The following PDZD2 variants were observed in gnomAD, a reference collection of about 807,000 sequenced individuals.
PDZD2 encodes PDZ domain-containing protein 2.
A neutral mutation model predicts 220.7 loss-of-function variants in PDZD2; 90 were observed. The observed-to-expected ratio is 0.41, with a 90% CI of 0.34 to 0.49. PDZD2 has a LOEUF of 0.49. Among genes scored for constraint, PDZD2 ranks in the 20% least tolerant of loss-of-function variants. The pLI is 0.28. For synonymous variants in PDZD2, 1,375 were observed against 1,450.5 expected (o/e 0.95, Z 1.18); for missense variants, 3,174 against 3,608.5 (o/e 0.88, Z 3.08).
In PDZD2 at chr5:31,936,580, GAAA is replaced by G. The variant is rs1001688886; in HGVS notation, c.477-46570_477-46568del. 2.7e-5 allele frequency among the ~76,000 whole-genome samples: 4 copies of G among 147,240 alleles called. No individual in the cohort carries two copies. The East Asian group carries it at 6.0e-4, about 22-fold the overall frequency. ...GAGAGTTGCTTTAAAAAAAAAAAAAGAAAAAAAGCATGCAGCATTGAAGCTTTT... is the reference window on the plus strand; with the variant it reads ...GAGAGTTGCTTTAAAAAAAAAAAAAGAAAAGCATGCAGCATTGAAGCTTTT... On this transcript the variant is annotated intron_variant, in intron 2 of 24. Transcript: ENST00000438447.
At chr5:31,696,645 G>A (rs1747392031) in intron 1 of PDZD2, among the ~76,000 whole-genome samples, 1 of 152,138 alleles carries the variant, frequency 6.6e-6, no homozygotes, top group East Asian at 1.9e-4. Flanking sequence ...CAAGAGACTT[G>A]AGGGGCTTCG....
chr5:32,011,940 G>A (rs576150024), intron 6 of PDZD2, among the ~76,000 whole-genome samples: 1 of 152,242 alleles, frequency 6.6e-6, no homozygotes, highest in East Asian at 1.9e-4. Flanking sequence ...GTTTTCTGAA[G>A]GATGGCAGTA....
rs140805083 is a variant in PDZD2, at chr5:31,679,731, A to C, written c.-361+40294A>C. ...TGCCATGCTGGCCAGGCTGGTCCCA[A>C]ACTCCTGACCTCAAGTGATCTTCCA... On this transcript the variant is annotated intron_variant, in intron 1 of 24. Coordinates refer to ENST00000438447, the MANE Select transcript of PDZD2 (RefSeq NM_178140.4). 6.9e-3 allele frequency among the ~76,000 whole-genome samples: 1,043 copies of C among 152,200 alleles called. 15 individuals are homozygous for C. The highest frequency in any genetic ancestry group is 0.024 in the African/African-American group (987 of 41,522).
chr5:31,735,317 G>A lies in PDZD2; in HGVS notation c.-360-63572G>A, dbSNP rs778008305. Among the ~76,000 whole-genome samples the A allele has an allele frequency of 9.2e-5, 14 of 152,284 alleles. No individual in the cohort carries two copies. In the South Asian group the frequency reaches 1.9e-3, roughly 20 times the overall value. On this transcript the variant is annotated intron_variant, in intron 1 of 24. Coordinates refer to ENST00000438447, the MANE Select transcript of PDZD2 (RefSeq NM_178140.4). ...TGGGATGGTGTGGTGGGGGCACTTC[G>A]TGCTGTCACTGGGTCACTGCTGCCT...
intron 2 of PDZD2, among the ~76,000 whole-genome samples, chr5:31,863,176 C>T (rs1045303734): frequency 3.3e-5 from 5 of 152,198 alleles, no homozygotes; most frequent in African/African-American, 9.6e-5. Flanking sequence ...TGAGCCACTG[C>T]GCCCGGCCAT....
rs1344058895 is a variant in PDZD2 at position 32,089,393 on chromosome 5, T to C, written c.5945T>C (p.Phe1982Ser). ...PSVSDTSIRT[F>S]VSPLTSPKPV... Reference sequence around the variant, plus strand: ...GTGTCTGACACGAGCATCAGGACATTTGTCTCGCCCCTGACCTCTCCCAAG... The same window carrying C: ...GTGTCTGACACGAGCATCAGGACATCTGTCTCGCCCCTGACCTCTCCCAAG... Residue 1982 changes from phenylalanine to serine, a missense_variant, in exon 20 of 25, where the codon TTT (phenylalanine) becomes TCT (serine). By Grantham distance (155) the Phe-to-Ser change is radical. Transcript: ENST00000438447. The C allele has an allele frequency of 1.2e-6, 2 of 1,614,068 alleles. No individual in the cohort carries two copies. The highest frequency in any genetic ancestry group is 1.7e-5 in the Admixed American group (1 of 60,014).
At chr5:31,778,051 T>G (rs6450862) in intron 1 of PDZD2, among the ~76,000 whole-genome samples, 75,712 of 150,956 alleles carry the variant, frequency 0.5, 19,727 homozygotes, top group African/African-American at 0.55. Context: ...CAGCATTCTG[T>G]GTCTAGCTAA....
At chr5:31,827,066 T>G (rs1175025762) in intron 2 of PDZD2, among the ~76,000 whole-genome samples, 1 of 152,192 alleles carries the variant, frequency 6.6e-6, no homozygotes, top group Admixed American at 6.6e-5. Flanking sequence ...AACAATTCTG[T>G]AAGTGGCATC....
At chr5:31,906,568 T>G (rs1240856608) in intron 2 of PDZD2, among the ~76,000 whole-genome samples, 2 of 152,010 alleles carry the variant, frequency 1.3e-5, no homozygotes, top group African/African-American at 4.8e-5. Context: ...TATAGCCGGG[T>G]GCAGTGGCTC....
intron 2 of PDZD2, among the ~76,000 whole-genome samples, chr5:31,947,486 A>T (rs891074180): frequency 3.3e-5 from 5 of 152,184 alleles, no homozygotes; most frequent in Non-Finnish European, 7.3e-5. Context: ...CACCGTCTAT[A>T]AAATAAAGAT....
intron 2 of PDZD2, among the ~76,000 whole-genome samples, chr5:31,919,358 CT>C (rs11349783): frequency 0.89 from 125,736 of 140,662 alleles, 56,233 homozygotes; most frequent in East Asian, 0.98. Context: ...ATTGTCTTGT[CT>C]TTTTTTTTTT....
At chr5:31,813,189 G>C (rs183247923) in intron 2 of PDZD2, among the ~76,000 whole-genome samples, 1 of 152,094 alleles carries the variant, frequency 6.6e-6, no homozygotes, top group Non-Finnish European at 1.5e-5. Flanking sequence ...GGTGGCTCAC[G>C]CCTGTAATGC....
At chr5:31,891,374 T>G (rs1581007603) in intron 2 of PDZD2, among the ~76,000 whole-genome samples, 1 of 152,116 alleles carries the variant, frequency 6.6e-6, no homozygotes, top group East Asian at 1.9e-4. Context: ...TGGAATGCAG[T>G]GGCATGGTCT....
intron 2 of PDZD2, among the ~76,000 whole-genome samples, chr5:31,916,317 C>T (rs111881554): frequency 0.014 from 2,077 of 152,304 alleles, 44 homozygotes; most frequent in African/African-American, 0.048. Flanking sequence ...GTTGCCTTCC[C>T]TACTTCAGTT....
At chr5:31,990,087 G>A (rs776513415) in intron 3 of PDZD2, among the ~76,000 whole-genome samples, 5 of 152,154 alleles carry the variant, frequency 3.3e-5, no homozygotes, top group Non-Finnish European at 5.9e-5. Flanking sequence ...AATAAGAAGG[G>A]GTAAGCAAAC....
chr5:31,660,107 C>T (rs1300093615), intron 1 of PDZD2, among the ~76,000 whole-genome samples: 1 of 152,208 alleles, frequency 6.6e-6, no homozygotes, highest in Non-Finnish European at 1.5e-5. Context: ...CCACTGCTTT[C>T]CACTTGGTGT....
chr5:32,010,109 G>GAAAAAAAA (rs1387407219), intron 5 of PDZD2, among the ~76,000 whole-genome samples: 1 of 138,826 alleles, frequency 7.2e-6, no homozygotes, highest in Non-Finnish European at 1.5e-5. Context: ...AGAAAAAAAA[G>GAAAAAAAA]AAACAGCTAA....
At chr5:32,039,949 C>G (rs62361265) in intron 7 of PDZD2, among the ~76,000 whole-genome samples, 70,208 of 138,286 alleles carry the variant, frequency 0.51, 19,135 homozygotes, top group Non-Finnish European at 0.59. Context: ...CCCAGCTGCC[C>G]GAATGGGAAG....
rs70957998 is a variant in PDZD2 at position 32,025,591 on chromosome 5, C to CTTTTTTTTT, written c.1408-11620_1408-11612dup. On this transcript the variant is annotated intron_variant, in intron 6 of 24. Coordinates refer to ENST00000438447, the MANE Select transcript of PDZD2 (RefSeq NM_178140.4). ...AGTGAGCCCAAATGTAACCATGATG[C>CTTTTTTTTT]TTTTTTTTTTTTTTTTTTTTTTTTT... Among the ~76,000 whole-genome samples the CTTTTTTTTT allele has an allele frequency of 2.2e-3, 149 of 67,516 alleles. 17 individuals carry two copies. Among genetic ancestry groups the CTTTTTTTTT allele is most frequent in the Middle Eastern group, 0.014 (1 of 72 alleles). 44.3% of individuals were successfully genotyped at this position (67,516 alleles called of 152,430 possible).
Sources: allele counts gnomAD v4.1 joint callset (sites outside exome capture counted in the v4.1 genomes callset), GRCh38; gene constraint gnomAD v4.1.1; transcripts MANE v1.5; gene names NCBI Gene and HGNC (gene_info 2026-07-23, HGNC 2026-07-21).